The following DENND1B variants were observed in gnomAD, a reference collection of about 807,000 sequenced individuals.
DENND1B encodes DENN domain containing 1B.
A neutral mutation model predicts 90.1 loss-of-function variants in DENND1B; 59 were observed. The observed-to-expected ratio is 0.65, with a 90% CI of 0.53 to 0.81. DENND1B has a LOEUF of 0.81. DENND1B is among the 40% of genes least tolerant of loss of function. The pLI is 0.00. For synonymous variants in DENND1B, 337 were observed against 324.6 expected, an observed-to-expected ratio of 1.04 and a Z score of -0.41; for missense variants, 862 against 912.6, an observed-to-expected ratio of 0.94 and a Z score of 0.71.
intron 20 of DENND1B, among the ~76,000 whole-genome samples, chr1:197,527,539 C>G (rs1016263721): frequency 6.6e-6 from 1 of 152,088 alleles, no homozygotes; most frequent in Non-Finnish European, 1.5e-5. Flanking sequence ...GCCTCGGCCT[C>G]CAAACGTGCT....
rs542927380 is a variant in DENND1B at position 197,722,302 on chromosome 1, C to G, written c.83-7228G>C. Among the ~76,000 whole-genome samples the G allele has an allele frequency of 2.6e-5, 4 of 151,980 alleles. No individual in the cohort carries two copies. In the East Asian group the frequency reaches 7.7e-4, roughly 29 times the overall value. ...TAAATATTCTTTTTTTTTAATCACC[C>G]AAAGTTACACTGTATCCTGTGTCTG... On this transcript the variant is annotated intron_variant, in intron 2 of 22. Transcript: ENST00000620048.
At chr1:197,753,007 G>A (rs2102418653) in intron 2 of DENND1B, among the ~76,000 whole-genome samples, 1 of 152,050 alleles carries the variant, frequency 6.6e-6, no homozygotes, top group East Asian at 1.9e-4. Context: ...GTGTATATGT[G>A]CCACATTTTC....
chr1:197,513,142 T>C (rs969976438), intron 20 of DENND1B, among the ~76,000 whole-genome samples, 189 bp from the exon 21 acceptor site: 42 of 146,444 alleles, frequency 2.9e-4, no homozygotes, highest in African/African-American at 9.5e-4. Context: ...GGTATATTTA[T>C]CTCAACACTT....
intron 14 of DENND1B, among the ~76,000 whole-genome samples, chr1:197,593,101 A>G (rs1432946564): frequency 6.6e-6 from 1 of 152,016 alleles, no homozygotes; most frequent in Non-Finnish European, 1.5e-5. Flanking sequence ...TATATCAATG[A>G]CCGAAAAGAA....
At chr1:197,736,878 C>T (rs546186589) in intron 2 of DENND1B, among the ~76,000 whole-genome samples, 4 of 152,262 alleles carry the variant, frequency 2.6e-5, no homozygotes, top group Non-Finnish European at 5.9e-5. Context: ...TTTTTATTTG[C>T]GACTGCTGAG....
At chr1:197,527,302 G>GT (rs1011998386) in intron 20 of DENND1B, among the ~76,000 whole-genome samples, 103 of 104,112 alleles carry the variant, frequency 9.9e-4, no homozygotes, top group Admixed American at 3.2e-3. Flanking sequence ...TCACTTGAAG[G>GT]TTTTTTTTTG....
At chr1:197,549,512 C>T (rs1438889628) in intron 16 of DENND1B, among the ~76,000 whole-genome samples, 1 of 151,952 alleles carries the variant, frequency 6.6e-6, no homozygotes, top group East Asian at 1.9e-4. Flanking sequence ...AAATATTTCT[C>T]CTGTTTAAAG....
chr1:197,717,429 A>C (rs1340035488), intron 2 of DENND1B, among the ~76,000 whole-genome samples: 1 of 151,942 alleles, frequency 6.6e-6, no homozygotes, highest in East Asian at 1.9e-4. Flanking sequence ...AATGCCTACC[A>C]GTAAATCAAA....
At chr1:197,658,241 G>T in intron 6 of DENND1B, 59 bp downstream of exon 6, 4 of 1,338,614 alleles carry the variant, frequency 3.0e-6, no homozygotes, top group Non-Finnish European at 4.3e-6. Flanking sequence ...GGTTAAAATG[G>T]TAAGTTTTGT....
intron 13 of DENND1B, among the ~76,000 whole-genome samples, chr1:197,598,539 A>G (rs528928071): frequency 9.9e-5 from 15 of 151,936 alleles, no homozygotes; most frequent in Admixed American, 2.6e-4. Context: ...TGTACTTTTT[A>G]ATACCTGGTC....
intron 3 of DENND1B, among the ~76,000 whole-genome samples, chr1:197,674,989 T>C (rs1655908710): frequency 3.3e-5 from 5 of 152,126 alleles, no homozygotes; most frequent in Admixed American, 2.6e-4. Context: ...ATCAGCTACT[T>C]GGCAAACAAA....
chr1:197,656,456 A>G (rs1485584302), intron 6 of DENND1B, among the ~76,000 whole-genome samples: 1 of 152,194 alleles, frequency 6.6e-6, no homozygotes, highest in East Asian at 1.9e-4. Flanking sequence ...AGAATTTTTA[A>G]AACACATTTT....
At chr1:197,750,020 T>C (rs1407590529) in intron 2 of DENND1B, among the ~76,000 whole-genome samples, 3 of 152,096 alleles carry the variant, frequency 2.0e-5, no homozygotes, top group African/African-American at 7.2e-5. Flanking sequence ...CTAATTCTTT[T>C]ATGGTTTGTT....
Position 197,552,942 on chromosome 1 carries a change from A to G in DENND1B, c.1240+80T>C, listed in dbSNP as rs369031002. 26 of 1,534,446 alleles carry G rather than the reference A, an allele frequency of 1.7e-5. No individual in the cohort carries two copies. In the African/African-American group the frequency reaches 3.2e-4, roughly 19 times the overall value. On this transcript the variant is annotated intron_variant, in intron 16 of 22. Coordinates refer to ENST00000620048, the MANE Select transcript of DENND1B (RefSeq NM_001195215.2). ...GGAAATCATTAGTTGTTTATGAAATAGGTTTTATCAGACACAAGTGCAAAG... is the reference window on the plus strand; with the variant it reads ...GGAAATCATTAGTTGTTTATGAAATGGGTTTTATCAGACACAAGTGCAAAG...
chr1:197,683,270 A>T (rs986870970), intron 3 of DENND1B, among the ~76,000 whole-genome samples: 3 of 152,208 alleles, frequency 2.0e-5, no homozygotes, highest in Non-Finnish European at 4.4e-5. Context: ...AGTTTGAACA[A>T]TAAATCATAT....
chr1:197,640,142 A>ACT (rs1680143946), intron 10 of DENND1B, among the ~76,000 whole-genome samples: 1 of 152,272 alleles, frequency 6.6e-6, no homozygotes, highest in South Asian at 2.1e-4. Context: ...TAGTAATGTT[A>ACT]ATTTTTACTC....
intron 15 of DENND1B, among the ~76,000 whole-genome samples, chr1:197,566,108 A>G (rs1164474406): frequency 6.6e-6 from 1 of 152,066 alleles, no homozygotes; most frequent in East Asian, 1.9e-4. Flanking sequence ...TCCCACCAAC[A>G]GTGTAAAAGT....
chr1:197,628,933 C>G (rs1362665985), intron 10 of DENND1B, among the ~76,000 whole-genome samples: 2 of 151,950 alleles, frequency 1.3e-5, no homozygotes, highest in Non-Finnish European at 2.9e-5. Flanking sequence ...AAAATGCTCA[C>G]CATCACTGGC....
chr1:197,730,859 G>T (rs1455899143), intron 2 of DENND1B, among the ~76,000 whole-genome samples: 2 of 151,752 alleles, frequency 1.3e-5, no homozygotes, highest in African/African-American at 4.8e-5. Context: ...ATCAGAATTG[G>T]TACATATATA....
Sources: gnomAD v4.1 joint callset for allele counts (sites outside exome capture counted in the v4.1 genomes callset) on GRCh38, gnomAD v4.1.1 for gene constraint, MANE v1.5 for transcripts, NCBI Gene and HGNC (gene_info 2026-07-23, HGNC 2026-07-21) for gene names.